Variants in CCSER1 observed in about 807,000 individuals in gnomAD.
The protein encoded by CCSER1 is serine-rich coiled-coil domain-containing protein 1.
CCSER1 carries 41 observed loss-of-function variants against 82.0 expected under a neutral mutation model. The ratio of observed to expected loss-of-function variants is 0.50; its 90% CI spans 0.39 to 0.65. The LOEUF is 0.65. Among genes scored for constraint, CCSER1 ranks in the 30% least tolerant of loss-of-function variants. CCSER1 has a pLI of 0.00. For synonymous variants in CCSER1, 414 were observed against 383.9 expected (o/e 1.08, Z -0.92); for missense variants, 1,119 against 1,064.2 (o/e 1.05, Z -0.72).
intron 8 of CCSER1, among the ~76,000 whole-genome samples, chr4:90,849,254 G>T (rs1478052186): frequency 8.5e-5 from 13 of 152,280 alleles, no homozygotes; most frequent in Admixed American, 8.5e-4. Flanking sequence ...TATGGATAAC[G>T]AAGTCTGGGC....
intron 1 of CCSER1, among the ~76,000 whole-genome samples, chr4:90,185,543 G>T (rs1734459384): frequency 1.3e-5 from 2 of 152,002 alleles, no homozygotes; most frequent in African/African-American, 4.8e-5. Flanking sequence ...GAGACCTAAA[G>T]AAGGTACCAG....
rs142818987 is a variant in CCSER1, at chr4:90,673,550, G to T, written c.1932+45318G>T. On this transcript the variant is annotated intron_variant, in intron 6 of 10. Transcript: ENST00000509176. ...TAACTCCTGCCAGTCACAATGAAGG[G>T]CAGAAAATACTGTGCCAGTTGAGGC... Among the ~76,000 whole-genome samples the T allele has an allele frequency of 6.9e-4, 105 of 152,022 alleles. 1 individual carries two copies. The East Asian group carries it at 0.014, about 20-fold the overall frequency.
At position 91,599,420 on chromosome 4, in the gene CCSER1, G is replaced by C. The variant is rs748245981; in HGVS notation, c.*363G>C. Reference sequence around the variant, plus strand: ...AATATCAAATAGCAATCTGTTCACTGTTAATGGTGTTACTATAAAAGTAGA... The same window carrying C: ...AATATCAAATAGCAATCTGTTCACTCTTAATGGTGTTACTATAAAAGTAGA... On this transcript the variant is annotated 3_prime_UTR_variant, in exon 11 of 11. Transcript: ENST00000509176. The C allele has an allele frequency of 3.2e-4, 50 of 158,502 alleles. No homozygotes were observed. The highest frequency in any genetic ancestry group is 6.1e-4 in the Non-Finnish European group (44 of 72,612). The allele number at this position is 158,502 out of a possible 1,614,324, so 9.8% of individuals were successfully genotyped here.
chr4:90,707,022 T>A (rs1175290519), intron 6 of CCSER1, among the ~76,000 whole-genome samples: 3 of 152,118 alleles, frequency 2.0e-5, no homozygotes, highest in African/African-American at 7.2e-5. Context: ...CTTTTCCTGC[T>A]CCCCTCATAA....
At chr4:91,163,740 A>G (rs556142730) in intron 10 of CCSER1, among the ~76,000 whole-genome samples, 2 of 151,444 alleles carry the variant, frequency 1.3e-5, no homozygotes, top group African/African-American at 2.4e-5. Context: ...TTTTTCAGAG[A>G]CTAGGATTGC....
At position 90,597,973 on chromosome 4, in the gene CCSER1, AT is replaced by A. The variant is rs962255767; in HGVS notation, c.1725-30042del. Among the ~76,000 whole-genome samples the A allele has an allele frequency of 4.1e-3, 613 of 149,596 alleles. 4 individuals carry two copies. Among genetic ancestry groups the A allele is most frequent in the African/African-American group, 0.014 (564 of 40,910 alleles). Reference sequence around the variant, plus strand: ...ATGTTGTGTCAAATGGCAGGATCTGATTTTTTTTTTAAACGCTGAGTAATAT... The same window carrying A: ...ATGTTGTGTCAAATGGCAGGATCTGATTTTTTTTTAAACGCTGAGTAATAT... On this transcript the variant is annotated intron_variant, in intron 5 of 10. Transcript: ENST00000509176.
intron 10 of CCSER1, among the ~76,000 whole-genome samples, chr4:91,545,353 T>C (rs776446747): frequency 6.6e-6 from 1 of 152,052 alleles, no homozygotes; most frequent in African/African-American, 2.4e-5. Context: ...CCCAGTGAGA[T>C]GAAACAGGTA....
intron 10 of CCSER1, among the ~76,000 whole-genome samples, chr4:91,123,564 G>A (rs1727266382): frequency 6.6e-6 from 1 of 151,686 alleles, no homozygotes; most frequent in South Asian, 2.1e-4. Context: ...AAAACATGAC[G>A]AAATATTTCT....
At chr4:91,448,352 C>G (rs1755685590) in intron 10 of CCSER1, among the ~76,000 whole-genome samples, 1 of 152,016 alleles carries the variant, frequency 6.6e-6, no homozygotes, top group African/African-American at 2.4e-5. Context: ...TTGTGTAACT[C>G]AGGGAATTTC....
chr4:91,309,104 T>A (rs1745267230), intron 10 of CCSER1, among the ~76,000 whole-genome samples: 2 of 151,962 alleles, frequency 1.3e-5, no homozygotes, highest in Non-Finnish European at 2.9e-5. Flanking sequence ...TCCTCTTTTT[T>A]AAAAATAGCA....
At chr4:91,473,458 C>T (rs979357660) in intron 10 of CCSER1, among the ~76,000 whole-genome samples, 3 of 152,046 alleles carry the variant, frequency 2.0e-5, no homozygotes, top group African/African-American at 7.2e-5. Flanking sequence ...CTCATTTGGT[C>T]TGGGATTTCT....
At chr4:91,050,042 G>C (rs1742858569) in intron 9 of CCSER1, among the ~76,000 whole-genome samples, 1 of 151,914 alleles carries the variant, frequency 6.6e-6, no homozygotes, top group Admixed American at 6.6e-5. Flanking sequence ...TACCTCATGG[G>C]GTTGTTTTCA....
At chr4:91,116,432 C>T (rs529418818) in intron 10 of CCSER1, among the ~76,000 whole-genome samples, 10 of 152,136 alleles carry the variant, frequency 6.6e-5, no homozygotes, top group Middle Eastern at 3.4e-3. Context: ...CCAGAATGCC[C>T]GCGAACAAAT....
At chr4:91,519,605 C>T (rs71597248) in intron 10 of CCSER1, among the ~76,000 whole-genome samples, 10,861 of 152,248 alleles carry the variant, frequency 0.071, 535 homozygotes, top group Middle Eastern at 0.12. Context: ...AGTCTGAAGG[C>T]CTTGGTGGAG....
At chr4:90,998,775 G>T (rs1035430285) in intron 9 of CCSER1, among the ~76,000 whole-genome samples, 1 of 151,266 alleles carries the variant, frequency 6.6e-6, no homozygotes. Flanking sequence ...TGCAAGTTTG[G>T]TACCTGGGTT....
chr4:90,799,006 C>A (rs527399678), intron 7 of CCSER1, among the ~76,000 whole-genome samples: 4 of 152,316 alleles, frequency 2.6e-5, no homozygotes, highest in Admixed American at 1.3e-4. Flanking sequence ...ACAGTAGTGG[C>A]AGCTGCAGCA....
intron 3 of CCSER1, among the ~76,000 whole-genome samples, chr4:90,348,208 A>G (rs1030925431): frequency 1.3e-5 from 2 of 151,508 alleles, no homozygotes; most frequent in African/African-American, 4.9e-5. Context: ...TGTACAACAA[A>G]CCCCCATGGT....
At chr4:90,846,310 G>A (rs1408410248) in intron 8 of CCSER1, among the ~76,000 whole-genome samples, 1 of 152,120 alleles carries the variant, frequency 6.6e-6, no homozygotes, top group Non-Finnish European at 1.5e-5. Context: ...AACCATGGAA[G>A]GTGTGATAAG....
intron 6 of CCSER1, among the ~76,000 whole-genome samples, chr4:90,670,126 A>G (rs1364097402): frequency 6.6e-6 from 1 of 152,170 alleles, no homozygotes; most frequent in Non-Finnish European, 1.5e-5. Context: ...AAAAGCAGCT[A>G]GTAGAGTTCT....
Sources: allele counts gnomAD v4.1 joint callset (sites outside exome capture counted in the v4.1 genomes callset), GRCh38; gene constraint gnomAD v4.1.1; transcripts MANE v1.5; gene names NCBI Gene and HGNC (gene_info 2026-07-23, HGNC 2026-07-21).